Variants in SDK1 observed in about 807,000 individuals in gnomAD.
The protein encoded by SDK1 is protein sidekick-1.
Under a neutral mutation model 245.5 loss-of-function variants are expected in SDK1, and 157 were observed. That is an observed-to-expected ratio of 0.64 (90% CI 0.56 to 0.73). The LOEUF (loss-of-function observed/expected upper bound fraction) is 0.73, where lower values mean the gene tolerates loss of function less well. Ranked by LOEUF, SDK1 falls within the 30% of genes least tolerant of loss-of-function variation. The pLI, the probability that SDK1 is intolerant of heterozygous loss-of-function variation, is 0.00. For synonymous variants in SDK1, 1,647 were observed against 1,278.5 expected, an observed-to-expected ratio of 1.29 and a Z score of -6.15; for missense variants, 3,583 against 3,002.3, an observed-to-expected ratio of 1.19 and a Z score of -4.52.
At chr7:3,607,538 A>C (rs1781460357) in intron 1 of SDK1, among the ~76,000 whole-genome samples, 1 of 152,232 alleles carries the variant, frequency 6.6e-6, no homozygotes, top group Admixed American at 6.5e-5. Flanking sequence ...CTAGGTATTT[A>C]AGAAATATTT....
intron 4 of SDK1, among the ~76,000 whole-genome samples, chr7:3,817,202 G>C (rs972390808): frequency 2.0e-5 from 3 of 152,176 alleles, no homozygotes; most frequent in Admixed American, 2.0e-4. Context: ...AGCTCATCAT[G>C]AAAATGTTCA....
chr7:3,403,347 G>C (rs1192940859), intron 1 of SDK1, among the ~76,000 whole-genome samples: 1 of 152,028 alleles, frequency 6.6e-6, no homozygotes, highest in African/African-American at 2.4e-5. Context: ...GTGATGAATG[G>C]TTGCTTCTTT....
At chr7:4,221,214 C>T (rs1035308142) in intron 39 of SDK1, 25 bp from the exon 40 acceptor site, 1 of 1,611,592 alleles carries the variant, frequency 6.2e-7, no homozygotes, top group African/African-American at 1.3e-5. Context: ...GATGCCTCAC[C>T]TCTCTTTTCT....
chr7:3,744,377 A>G (rs1231611799), intron 4 of SDK1, among the ~76,000 whole-genome samples: 1 of 152,182 alleles, frequency 6.6e-6, no homozygotes, highest in Non-Finnish European at 1.5e-5. Context: ...CTATTATAAT[A>G]TAAGCATCAT....
intron 14 of SDK1, among the ~76,000 whole-genome samples, chr7:4,004,095 G>A (rs1393795125): frequency 6.6e-6 from 1 of 152,212 alleles, no homozygotes; most frequent in Non-Finnish European, 1.5e-5. Flanking sequence ...TACTGTGAAA[G>A]TTGAACGTGG....
intron 1 of SDK1, among the ~76,000 whole-genome samples, chr7:3,324,672 C>A (rs892104073): frequency 6.6e-6 from 1 of 152,114 alleles, no homozygotes; most frequent in Admixed American, 6.6e-5. Context: ...TAGGCTCTTA[C>A]TTTTACTGTT....
At chr7:3,666,289 C>T (rs1052926609) in intron 4 of SDK1, among the ~76,000 whole-genome samples, 6 of 152,200 alleles carry the variant, frequency 3.9e-5, no homozygotes, top group Admixed American at 3.9e-4. Context: ...TTTCCCTTCA[C>T]AAGGCAGCCA....
intron 1 of SDK1, among the ~76,000 whole-genome samples, chr7:3,400,359 A>AT (rs1390436944): frequency 2.0e-5 from 3 of 152,110 alleles, no homozygotes; most frequent in Non-Finnish European, 4.4e-5. Context: ...CAGCATTTTC[A>AT]TTGTTTTTAT....
intron 17 of SDK1, among the ~76,000 whole-genome samples, chr7:4,024,925 G>A (rs987754959): frequency 3.3e-5 from 5 of 152,202 alleles, no homozygotes; most frequent in East Asian, 1.9e-4. Context: ...AGACATGGGC[G>A]TGCTTCTCAC....
At chr7:4,112,375 C>T (rs955356696) in intron 23 of SDK1, among the ~76,000 whole-genome samples, 4 of 152,146 alleles carry the variant, frequency 2.6e-5, no homozygotes, top group African/African-American at 9.7e-5. Context: ...GAATGAGAAG[C>T]AGGTTTGCCC....
intron 3 of SDK1, among the ~76,000 whole-genome samples, chr7:3,640,135 A>T (rs1400083896): frequency 6.6e-6 from 1 of 152,192 alleles, no homozygotes; most frequent in African/African-American, 2.4e-5. Flanking sequence ...TGCTGGGATT[A>T]CAAGAGTGAG....
chr7:4,156,987 G>A (rs1780773879), intron 30 of SDK1, among the ~76,000 whole-genome samples: 2 of 152,206 alleles, frequency 1.3e-5, no homozygotes, highest in South Asian at 4.1e-4. Flanking sequence ...AAACTGAGGA[G>A]GATGGAGCCC....
At chr7:3,858,577 T>A (rs1355444402) in intron 5 of SDK1, among the ~76,000 whole-genome samples, 1 of 152,104 alleles carries the variant, frequency 6.6e-6, no homozygotes, top group Non-Finnish European at 1.5e-5. Context: ...AAGTCGTCTA[T>A]GTCTGCTTTG....
In SDK1 at chr7:3,700,622, A is replaced by G. The variant is rs573821920; in HGVS notation, c.713+58517A>G. Among the ~76,000 whole-genome samples the G allele has an allele frequency of 1.0e-3, 156 of 152,314 alleles. 1 individual carries two copies. Among genetic ancestry groups the G allele is most frequent in the African/African-American group, 3.6e-3 (151 of 41,568 alleles). On this transcript the variant is annotated intron_variant, in intron 4 of 44. Transcript: ENST00000404826. ...AATGTTCAAGTAACAGAAAAGCAAA[A>G]AAGAAATCAGGGAAACAAGAAAACA...
At chr7:3,326,263 T>C (rs527975163) in intron 1 of SDK1, among the ~76,000 whole-genome samples, 1 of 152,332 alleles carries the variant, frequency 6.6e-6, no homozygotes, top group Non-Finnish European at 1.5e-5. Context: ...TCTATGGTTA[T>C]ATACATATGT....
At chr7:3,674,547 A>T (rs1305194400) in intron 4 of SDK1, among the ~76,000 whole-genome samples, 2 of 152,276 alleles carry the variant, frequency 1.3e-5, no homozygotes, top group Non-Finnish European at 2.9e-5. Context: ...TGAGGGATGT[A>T]GTGTGGAGTA....
intron 4 of SDK1, among the ~76,000 whole-genome samples, chr7:3,783,898 A>T (rs1780823693): frequency 6.6e-6 from 1 of 152,184 alleles, no homozygotes; most frequent in African/African-American, 2.4e-5. Flanking sequence ...TAGCCAAGGC[A>T]ATCATGAGCA....
Position 4,267,366 on chromosome 7 carries a change from A to G in SDK1, c.*1982A>G. ...TCTTCCTTTTCTCCTCCTTTTTCTG[A>G]GTGGAGGGGGAAATATTCTAAACCA... On this transcript the variant is annotated 3_prime_UTR_variant, in exon 45 of 45. Coordinates refer to ENST00000404826, the MANE Select transcript of SDK1 (RefSeq NM_152744.4). 1 of 970,492 alleles carries G rather than the reference A, an allele frequency of 1.0e-6. No individual in the cohort carries two copies. Among genetic ancestry groups the G allele is most frequent in the Non-Finnish European group, 1.2e-6 (1 of 827,126 alleles). 60.1% of individuals were successfully genotyped at this position (970,492 alleles called of 1,614,324 possible). A position where few individuals can be genotyped will look rare whatever the true frequency, so the allele number is the denominator to read the frequency against.
rs1788695240 is a variant in SDK1, at chr7:4,042,326, G to A, written c.2603-7022G>A. 3.7e-5 allele frequency among the ~76,000 whole-genome samples: 5 copies of A among 135,492 alleles called. 1 individual carries two copies. The South Asian group carries it at 1.1e-3, about 31-fold the overall frequency. The allele number at this position is 135,492 out of a possible 152,430, so 88.9% of individuals were successfully genotyped here. A position where few individuals can be genotyped will look rare whatever the true frequency, so the allele number is the denominator to read the frequency against. On this transcript the variant is annotated intron_variant, in intron 17 of 44. Coordinates refer to ENST00000404826, the MANE Select transcript of SDK1 (RefSeq NM_152744.4). ...GATCCAGGTTTCACATATTTCCGTG[G>A]GATATAAAACCCCTAGTGCCTGAAA...
Sources: gnomAD v4.1 joint callset for allele counts (sites outside exome capture counted in the v4.1 genomes callset) on GRCh38, gnomAD v4.1.1 for gene constraint, MANE v1.5 for transcripts, NCBI Gene and HGNC (gene_info 2026-07-23, HGNC 2026-07-21) for gene names.